TBC1D12: variants seen among roughly 807,000 people sequenced by gnomAD.
The protein encoded by TBC1D12 is TBC1 domain family member 12.
A neutral mutation model predicts 86.7 loss-of-function variants in TBC1D12; 56 were observed. The ratio of observed to expected loss-of-function variants is 0.65; its 90% CI spans 0.52 to 0.81. The LOEUF is 0.81. TBC1D12 is among the 30% of genes least tolerant of loss of function. TBC1D12 has a pLI of 0.00. For synonymous variants in TBC1D12, 421 were observed against 411.7 expected (o/e 1.02, Z -0.27); for missense variants, 1,023 against 1,038.8 (o/e 0.98, Z 0.21).
At chr10:94,425,259 G>A (rs2055130769) in intron 1 of TBC1D12, among the ~76,000 whole-genome samples, 1 of 152,078 alleles carries the variant, frequency 6.6e-6, no homozygotes, top group Non-Finnish European at 1.5e-5. Flanking sequence ...TGCAAAATGA[G>A]GGAGTTTTTT....
intron 2 of TBC1D12, among the ~76,000 whole-genome samples, chr10:94,471,295 A>AT (rs2055902263): frequency 6.6e-6 from 1 of 151,208 alleles, no homozygotes; most frequent in Admixed American, 6.6e-5. Flanking sequence ...AAAAAAAAAA[A>AT]GCTCATTCCT....
intron 11 of TBC1D12, among the ~76,000 whole-genome samples, chr10:94,522,845 A>G (rs1485016147): frequency 6.6e-6 from 1 of 151,966 alleles, no homozygotes. Flanking sequence ...GGAGTTCGAA[A>G]CCAGCCTGAC....
intron 2 of TBC1D12, among the ~76,000 whole-genome samples, chr10:94,467,358 G>A (rs749921115): frequency 1.3e-5 from 2 of 151,840 alleles, no homozygotes; most frequent in Non-Finnish European, 2.9e-5. Context: ...TCAGCCTCCC[G>A]AGTAGCTGGG....
At chr10:94,523,030 C>T (rs530709174) in intron 11 of TBC1D12, among the ~76,000 whole-genome samples, 25 of 125,486 alleles carry the variant, frequency 2.0e-4, no homozygotes, top group Non-Finnish European at 3.7e-4. Flanking sequence ...GGTGACAGAT[C>T]GAGACTCCAG....
chr10:94,472,293 A>G (rs1458320928), intron 2 of TBC1D12, among the ~76,000 whole-genome samples: 1 of 152,238 alleles, frequency 6.6e-6, no homozygotes, highest in Non-Finnish European at 1.5e-5. Flanking sequence ...CTGTTAATAT[A>G]GCAAGATAAT....
At chr10:94,410,890 C>G (rs892535252) in intron 1 of TBC1D12, among the ~76,000 whole-genome samples, 3 of 152,102 alleles carry the variant, frequency 2.0e-5, no homozygotes, top group African/African-American at 7.2e-5. Context: ...TTGGGAGATT[C>G]AGAGTCCCTT....
chr10:94,415,327 GT>G (rs2054984811), intron 1 of TBC1D12, among the ~76,000 whole-genome samples: 1 of 152,100 alleles, frequency 6.6e-6, no homozygotes, highest in African/African-American at 2.4e-5. Flanking sequence ...ACTTTTTAAC[GT>G]TATTGGTACT....
intron 12 of TBC1D12, 121 bp from the exon 13 acceptor site, chr10:94,532,907 C>T (rs576334430): frequency 9.2e-6 from 5 of 545,746 alleles, no homozygotes; most frequent in African/African-American, 2.0e-5. Flanking sequence ...GAATGACACA[C>T]TTTCGGGGAC....
chr10:94,419,780 T>C (rs2055050591), intron 1 of TBC1D12, among the ~76,000 whole-genome samples: 1 of 152,216 alleles, frequency 6.6e-6, no homozygotes, highest in African/African-American at 2.4e-5. Flanking sequence ...AATTTAGTTT[T>C]CTATTTAATA....
At chr10:94,463,129 A>G (rs1386844873) in intron 2 of TBC1D12, among the ~76,000 whole-genome samples, 1 of 152,042 alleles carries the variant, frequency 6.6e-6, no homozygotes, top group Non-Finnish European at 1.5e-5. Context: ...TACTGCCTTT[A>G]CTTATGATTA....
chr10:94,420,786 C>T (rs113405111), intron 1 of TBC1D12, among the ~76,000 whole-genome samples: 32 of 152,172 alleles, frequency 2.1e-4, no homozygotes, highest in African/African-American at 6.0e-4. Context: ...GGGTGGTTTC[C>T]GTCTTTTGGT....
intron 9 of TBC1D12, among the ~76,000 whole-genome samples, chr10:94,520,300 C>G (rs904917338): frequency 2.0e-5 from 3 of 151,870 alleles, no homozygotes; most frequent in African/African-American, 7.3e-5. Flanking sequence ...CGCCTGTAAT[C>G]CCAGCACTTT....
chr10:94,523,142 G>T (rs1232364707), intron 11 of TBC1D12, among the ~76,000 whole-genome samples: 1 of 125,118 alleles, frequency 8.0e-6, no homozygotes, highest in Admixed American at 9.9e-5. Context: ...GCAGTGAACC[G>T]AGATCACACC....
intron 2 of TBC1D12, among the ~76,000 whole-genome samples, chr10:94,458,781 T>C (rs1360816990): frequency 2.6e-5 from 4 of 152,096 alleles, no homozygotes; most frequent in Non-Finnish European, 5.9e-5. Flanking sequence ...GTTCCTTCCA[T>C]CTGGAGTTGT....
intron 2 of TBC1D12, among the ~76,000 whole-genome samples, chr10:94,459,278 C>T (rs2055684692): frequency 1.3e-5 from 2 of 151,868 alleles, no homozygotes; most frequent in African/African-American, 2.4e-5. Flanking sequence ...GTGATTGGTG[C>T]ATTTACAAAC....
At chr10:94,479,285 T>C (rs2056041357) in intron 3 of TBC1D12, among the ~76,000 whole-genome samples, 1 of 152,182 alleles carries the variant, frequency 6.6e-6, no homozygotes, top group African/African-American at 2.4e-5. Context: ...ACTCTTTACC[T>C]GAAAACTATA....
In TBC1D12 at chr10:94,440,591, G is replaced by A. The variant is rs535760018; in HGVS notation, c.972-1305G>A. Among the ~76,000 whole-genome samples, 8 of 152,082 alleles carry A rather than the reference G, an allele frequency of 5.3e-5. No individual in the cohort carries two copies. In the East Asian group the frequency reaches 1.2e-3, roughly 22 times the overall value. ...CTGCACTTTTAAGATATATTGATAC[G>A]GCATTTTGAGTATAGATAAATCTAA... is the stretch of plus-strand genomic sequence containing the variant. On this transcript the variant is annotated intron_variant, in intron 1 of 12. Coordinates refer to ENST00000225235, the MANE Select transcript of TBC1D12 (RefSeq NM_015188.2).
At chr10:94,508,762 CAGAT>C (rs1589666662) in intron 7 of TBC1D12, 1 of 152,038 alleles carries the variant, frequency 6.6e-6, no homozygotes, top group East Asian at 1.9e-4. Flanking sequence ...ATATTTATAA[CAGAT>C]AGTGTCATTG....
chr10:94,422,587 T>C (rs1425273306), intron 1 of TBC1D12, among the ~76,000 whole-genome samples: 2 of 152,176 alleles, frequency 1.3e-5, no homozygotes, highest in East Asian at 3.9e-4. Context: ...TGTTTATTAA[T>C]TTTTAAGAGA....
Sources: gnomAD v4.1 joint callset for allele counts (sites outside exome capture counted in the v4.1 genomes callset) on GRCh38, gnomAD v4.1.1 for gene constraint, MANE v1.5 for transcripts, NCBI Gene and HGNC (gene_info 2026-07-23, HGNC 2026-07-21) for gene names.